Variants in KAT6B observed in about 807,000 individuals in gnomAD.
The protein encoded by KAT6B is lysine acetyltransferase 6B.
KAT6B carries 10 observed loss-of-function variants against 187.5 expected under a neutral mutation model. The ratio of observed to expected loss-of-function variants is 0.05; its 90% CI spans 0.03 to 0.09. The LOEUF is 0.09. Among genes scored for constraint, KAT6B ranks in the 10% least tolerant of loss-of-function variants. The pLI is 1.00. For missense variants in KAT6B, 1,952 were observed against 2,558.9 expected (o/e 0.76, Z 5.12); for synonymous variants, 861 against 926.8 (o/e 0.93, Z 1.29).
chr10:75,014,838 G>A (rs1046973996), intron 13 of KAT6B, among the ~76,000 whole-genome samples: 22 of 152,208 alleles, frequency 1.4e-4, no homozygotes, highest in African/African-American at 5.3e-4. Context: ...TCAGTCTGGT[G>A]GGGCTTTGGC....
chr10:74,886,131 G>T (rs752356712), intron 3 of KAT6B, among the ~76,000 whole-genome samples: 3 of 152,204 alleles, frequency 2.0e-5, no homozygotes, highest in Non-Finnish European at 4.4e-5. Context: ...AAGCACGATG[G>T]TTGGGGCTGT....
rs762632729 is a variant in KAT6B, at chr10:75,031,829, T to C, written c.*783T>C. 4.9e-6 allele frequency: 1 copy of C among 202,610 alleles called. No individual in the cohort carries two copies. Among genetic ancestry groups the C allele is most frequent in the Non-Finnish European group, 1.0e-5 (1 of 98,528 alleles). 12.6% of individuals were successfully genotyped at this position (202,610 alleles called of 1,614,324 possible). A position where few individuals can be genotyped will look rare whatever the true frequency, so the allele number is the denominator to read the frequency against. On this transcript the variant is annotated 3_prime_UTR_variant, in exon 18 of 18. Transcript: ENST00000287239. ...TGAATGAAGCATATCTCAGTGTTTA[T>C]CTGTCAGGTTTTGAAACATTTCATA...
At chr10:74,868,075 T>G (rs1241221701) in intron 3 of KAT6B, among the ~76,000 whole-genome samples, 3 of 152,222 alleles carry the variant, frequency 2.0e-5, no homozygotes, top group African/African-American at 7.2e-5. Flanking sequence ...TGGCATGGTC[T>G]TATGTTTGAA....
intron 3 of KAT6B, among the ~76,000 whole-genome samples, chr10:74,956,685 A>T (rs1840716999): frequency 6.6e-6 from 1 of 152,202 alleles, no homozygotes; most frequent in Admixed American, 6.5e-5. Flanking sequence ...TAGATGCTCA[A>T]TTTCTTTTCT....
chr10:74,849,433 C>T (rs958508138), intron 3 of KAT6B, among the ~76,000 whole-genome samples: 2 of 152,038 alleles, frequency 1.3e-5, no homozygotes, highest in African/African-American at 4.8e-5. Flanking sequence ...GCTGGGATTA[C>T]AGGCACGCAC....
At chr10:74,961,534 G>A (rs1331929955) in intron 4 of KAT6B, among the ~76,000 whole-genome samples, 1 of 152,068 alleles carries the variant, frequency 6.6e-6, no homozygotes, top group Non-Finnish European at 1.5e-5. Context: ...CTTACCTCTG[G>A]TGATACACTT....
chr10:74,853,563 G>A (rs1409398701), intron 3 of KAT6B, among the ~76,000 whole-genome samples: 1 of 151,626 alleles, frequency 6.6e-6, no homozygotes, highest in East Asian at 1.9e-4. Flanking sequence ...CAAAGTACTG[G>A]GGTTATAGGC....
At chr10:74,887,085 G>A (rs890913731) in intron 3 of KAT6B, among the ~76,000 whole-genome samples, 8 of 152,116 alleles carry the variant, frequency 5.3e-5, no homozygotes, top group Non-Finnish European at 1.0e-4. Flanking sequence ...GGACTGTCTC[G>A]CAGGGACTAC....
chr10:74,915,717 C>T (rs942392816), intron 3 of KAT6B, among the ~76,000 whole-genome samples: 6 of 152,162 alleles, frequency 3.9e-5, no homozygotes, highest in African/African-American at 1.2e-4. Context: ...TATCTAGTTA[C>T]CTTTGTCTTA....
intron 13 of KAT6B, among the ~76,000 whole-genome samples, chr10:74,999,567 T>C (rs72803440): frequency 6.6e-6 from 1 of 152,218 alleles, no homozygotes; most frequent in Non-Finnish European, 1.5e-5. Context: ...GAGATAATGG[T>C]GTTAGGAAAA....
chr10:75,006,192 A>G (rs1229939503), intron 13 of KAT6B, among the ~76,000 whole-genome samples: 1 of 152,228 alleles, frequency 6.6e-6, no homozygotes, highest in African/African-American at 2.4e-5. Context: ...TCAGGAGTCA[A>G]TTTGAAGAGG....
chr10:75,029,319 G>A lies in KAT6B; in HGVS notation c.4495G>A (p.Val1499Ile), dbSNP rs3740321. Residue 1499 changes from valine to isoleucine, a missense_variant, in exon 18 of 18, where the codon GTA becomes ATA. Val to Ile is a conservative substitution (Grantham distance 29). This residue lies in a region of KAT6B where 758 missense variants were observed against 891.4 expected (regional missense o/e 0.85). Transcript: ENST00000287239. This position sits in a 1 kb window ranked among gnomAD's most constrained non-coding sequence, Gnocchi z 6.2. ...GGAGCTTGCTGGGGACCCTGAAGCT[G>A]TACCCGAATCTGACGAGGAGCCACC... is the stretch of plus-strand genomic sequence containing the variant. ...PKELAGDPEAVPESDEEPPPG... is the reference protein window; with the variant it reads ...PKELAGDPEAIPESDEEPPPG... 0.018 allele frequency: 28,692 copies of A among 1,614,038 alleles called. 685 individuals carry two copies. Among genetic ancestry groups the A allele is most frequent in the East Asian group, 0.07 (3,121 of 44,866 alleles).
rs898616860 is a variant in KAT6B at position 74,850,194 on chromosome 10, T to C, written c.621+6716T>C. ...ACCTCGTGATCCACCTGCCTCGGCC[T>C]GTGGTGGCTTTTTATTAACAGTAAA... On this transcript the variant is annotated intron_variant, in intron 3 of 17. Coordinates refer to ENST00000287239, the MANE Select transcript of KAT6B (RefSeq NM_012330.4). Among the ~76,000 whole-genome samples, 14 of 152,182 alleles carry C rather than the reference T, an allele frequency of 9.2e-5. No individual in the cohort carries two copies. The East Asian group carries it at 2.7e-3, about 29-fold the overall frequency.
At chr10:74,827,872 G>A (rs1840385877) in intron 1 of KAT6B, among the ~76,000 whole-genome samples, 1 of 152,084 alleles carries the variant, frequency 6.6e-6, no homozygotes, top group Admixed American at 6.6e-5. Flanking sequence ...TGTTGCCCAG[G>A]CTGGTCTCGA....
intron 3 of KAT6B, among the ~76,000 whole-genome samples, chr10:74,844,779 C>G (rs977322214): frequency 6.6e-6 from 1 of 152,198 alleles, no homozygotes; most frequent in African/African-American, 2.4e-5. Flanking sequence ...ACTTCCCAAA[C>G]TAAACACAAA....
chr10:74,830,731 C>CGT (rs1840696550), intron 1 of KAT6B, among the ~76,000 whole-genome samples: 1 of 17,200 alleles, frequency 5.8e-5, no homozygotes, highest in Non-Finnish European at 1.0e-4. Context: ...CACAGCTCTT[C>CGT]ATATATATAT....
intron 15 of KAT6B, 104 bp downstream of exon 15, chr10:75,021,389 G>A (rs1357114703): frequency 2.7e-6 from 3 of 1,109,838 alleles, no homozygotes; most frequent in South Asian, 1.3e-5. Context: ...GTTATGTAGA[G>A]ATAGCATGTG....
At chr10:74,964,712 C>T (rs1340467387) in intron 4 of KAT6B, among the ~76,000 whole-genome samples, 2 of 152,164 alleles carry the variant, frequency 1.3e-5, no homozygotes, top group African/African-American at 2.4e-5. Flanking sequence ...ACAATAACAA[C>T]AGAAATCCCA....
In KAT6B at chr10:74,975,724, C is replaced by A; in HGVS notation, c.1387C>A (p.Arg463Ser). 6.2e-7 allele frequency: 1 copy of A among 1,614,190 alleles called. No individual in the cohort carries two copies. Among genetic ancestry groups the A allele is most frequent in the Non-Finnish European group, 8.5e-7 (1 of 1,180,028 alleles). The change falls in exon 8 of 18, where the codon CGT (arginine) becomes AGT (serine). Residue 463 changes from arginine (R) to serine (S), a missense_variant. Physicochemically the swap from Arg to Ser is moderately radical, Grantham distance 110. Transcript: ENST00000287239. ...GEIIDFSKHY[R>S]PRKKVSQKQS... is the part of the protein sequence containing the mutation. Reference sequence around the variant, plus strand: ...AATTATAGACTTTTCAAAGCACTATCGTCCAAGGAAAAAGGTCTCTCAGAA... The same window carrying A: ...AATTATAGACTTTTCAAAGCACTATAGTCCAAGGAAAAAGGTCTCTCAGAA...
Sources: allele counts gnomAD v4.1 joint callset (sites outside exome capture counted in the v4.1 genomes callset), GRCh38; gene constraint gnomAD v4.1.1; regional missense constraint gnomAD v4.1.1; non-coding constraint Gnocchi (gnomAD v3.1); transcripts MANE v1.5; gene names NCBI Gene and HGNC (gene_info 2026-07-23, HGNC 2026-07-21).